The following ARHGEF3 variants were observed in gnomAD, a reference collection of about 807,000 sequenced individuals.
ARHGEF3 encodes the protein 59.8 kDA protein.
A neutral mutation model predicts 63.2 loss-of-function variants in ARHGEF3; 28 were observed. That is an observed-to-expected ratio of 0.44 (90% CI 0.33 to 0.61). The LOEUF (loss-of-function observed/expected upper bound fraction) is 0.61, where lower values mean the gene tolerates loss of function less well. ARHGEF3 is among the 20% of genes least tolerant of loss of function. ARHGEF3 has a pLI of 0.03. For missense variants in ARHGEF3, 533 were observed against 659.3 expected (o/e 0.81, Z 2.10); for synonymous variants, 266 against 254.2 (o/e 1.05, Z -0.44).
At position 56,819,668 on chromosome 3, in the gene ARHGEF3, C is replaced by CCTGG. The variant is rs546808279; in HGVS notation, c.193-45856_193-45853dup. 8.5e-4 allele frequency among the ~76,000 whole-genome samples: 129 copies of CCTGG among 151,250 alleles called. 1 individual carries two copies. In the South Asian group the frequency reaches 0.022, roughly 26 times the overall value. ...CTGGGACTACAGGTGCACCACCATG[C>CCTGG]CTGGCTAATTTTTATTTACTTATTT... On this transcript the variant is annotated intron_variant, in intron 4 of 12. Coordinates refer to the ARHGEF3 transcript ENST00000338458.
At chr3:56,878,027 C>T (rs1334730071) in intron 4 of ARHGEF3, among the ~76,000 whole-genome samples, 2 of 152,168 alleles carry the variant, frequency 1.3e-5, no homozygotes, top group African/African-American at 4.8e-5. Context: ...TCACATTTTC[C>T]AGTTTTTCTA....
In ARHGEF3 at chr3:57,048,985, G is replaced by T. The variant is rs1030113347; in HGVS notation, c.-27-13809C>A. 2.0e-5 allele frequency among the ~76,000 whole-genome samples: 3 copies of T among 152,170 alleles called. No individual in the cohort carries two copies. The East Asian group carries it at 5.8e-4, about 29-fold the overall frequency. ...ACAGGTGTTCTGACATGGCTGGGTA[G>T]AATCATCCAAGCAGAGAATCATGCT... On this transcript the variant is annotated intron_variant, in intron 1 of 12. Coordinates refer to the ARHGEF3 transcript ENST00000338458.
Position 57,002,498 on chromosome 3 carries a change from T to TTATATATATATATATGTTA in ARHGEF3, c.62+32571_62+32589dup, listed in dbSNP as rs1560123040. 2.6e-3 allele frequency among the ~76,000 whole-genome samples: 35 copies of TTATATATATATATATGTTA among 13,486 alleles called. 1 individual carries two copies. The highest frequency in any genetic ancestry group is 0.014 in the Admixed American group (13 of 908). The allele number at this position is 13,486 out of a possible 152,430, so 8.8% of individuals were successfully genotyped here. A position where few individuals can be genotyped will look rare whatever the true frequency, so the allele number is the denominator to read the frequency against. On this transcript the variant is annotated intron_variant, in intron 2 of 12. Transcript: ENST00000338458. ...TATATGTTATATATATATATATATG[T>TTATATATATATATATGTTA]TATATATATATATATGTTATATATG...
chr3:56,813,473 G>T (rs1436952570), intron 4 of ARHGEF3, among the ~76,000 whole-genome samples: 1 of 152,128 alleles, frequency 6.6e-6, no homozygotes, highest in Non-Finnish European at 1.5e-5. Context: ...GCTGGGGAGG[G>T]ATCCAGTTCT....
chr3:56,859,161 G>T (rs1285382576), intron 4 of ARHGEF3, among the ~76,000 whole-genome samples: 1 of 152,046 alleles, frequency 6.6e-6, no homozygotes, highest in East Asian at 1.9e-4. Flanking sequence ...CTGTATTATT[G>T]TTTTGTTTTG....
At chr3:57,030,565 C>G (rs766924633) in intron 2 of ARHGEF3, among the ~76,000 whole-genome samples, 7 of 152,182 alleles carry the variant, frequency 4.6e-5, no homozygotes, top group Non-Finnish European at 2.9e-5. Flanking sequence ...TCCTTACTAT[C>G]CAACCATTTC....
At chr3:57,062,697 CACATGCACACACACACACACACAACAA>C (rs1191892797) in intron 1 of ARHGEF3, among the ~76,000 whole-genome samples, 1 of 151,958 alleles carries the variant, frequency 6.6e-6, no homozygotes, top group Non-Finnish European at 1.5e-5. Context: ...TCTGTCTACA[CACATGCACACACACACACACACAACAA>C]ACATGCACAC....
intron 1 of ARHGEF3, among the ~76,000 whole-genome samples, chr3:57,042,379 A>G (rs540796117): frequency 1.2e-4 from 19 of 152,096 alleles, no homozygotes; most frequent in Middle Eastern, 3.4e-3. Context: ...CTAAAGTATA[A>G]TGATGTTTCT....
At chr3:56,775,096 G>A (rs1220460712) in intron 1 of ARHGEF3, 10 of 1,551,036 alleles carry the variant, frequency 6.4e-6, no homozygotes, top group Non-Finnish European at 8.7e-6. Flanking sequence ...GCCAATTGTG[G>A]TGGCAAACCT....
intron 1 of ARHGEF3, among the ~76,000 whole-genome samples, chr3:57,058,306 G>C: frequency 1.3e-5 from 2 of 152,096 alleles, no homozygotes; most frequent in East Asian, 3.8e-4. Flanking sequence ...AATCAGTCTG[G>C]TCTTTTTGAA....
chr3:57,029,966 C>A (rs1451336884), intron 2 of ARHGEF3, among the ~76,000 whole-genome samples: 2 of 152,100 alleles, frequency 1.3e-5, no homozygotes, highest in African/African-American at 4.8e-5. Flanking sequence ...AATCAGTGAC[C>A]AAAACAGCCC....
At chr3:56,783,887 A>C (rs1391452304) in intron 1 of ARHGEF3, among the ~76,000 whole-genome samples, 1 of 152,238 alleles carries the variant, frequency 6.6e-6, no homozygotes, top group Non-Finnish European at 1.5e-5. Flanking sequence ...AAACACATCT[A>C]ATAAACAGCC....
chr3:56,968,189 TTA>T (rs531269650), intron 2 of ARHGEF3, among the ~76,000 whole-genome samples: 1,092 of 15,714 alleles, frequency 0.069, 80 homozygotes, highest in African/African-American at 0.12. Context: ...AAAATATATA[TTA>T]TATATAATAT....
chr3:56,968,216 T>A lies in ARHGEF3; in HGVS notation c.63-9327A>T, dbSNP rs373594805. Among the ~76,000 whole-genome samples, 23 of 18,974 alleles carry A rather than the reference T, an allele frequency of 1.2e-3. 2 individuals are homozygous for A. Among genetic ancestry groups the A allele is most frequent in the Non-Finnish European group, 1.9e-3 (15 of 7,966 alleles). 12.4% of individuals were successfully genotyped at this position (18,974 alleles called of 152,430 possible). ...ATATATAATATATAAAAATATATAT[T>A]ATATATAATATATATATAAATATAT... On this transcript the variant is annotated intron_variant, in intron 2 of 12. Coordinates refer to the ARHGEF3 transcript ENST00000338458.
intron 6 of ARHGEF3, among the ~76,000 whole-genome samples, chr3:56,746,663 G>A (rs1027916255): frequency 2.4e-4 from 37 of 152,146 alleles, no homozygotes; most frequent in African/African-American, 6.3e-4. Flanking sequence ...CCGGGAGGCA[G>A]AGGTTGCAGT....
In ARHGEF3 at chr3:56,751,357, C is replaced by T; in HGVS notation, c.478G>A (p.Glu160Lys). Residue 160 changes from glutamate (E) to lysine (K), a missense_variant, in exon 5 of 10, where the codon GAA (glutamate) becomes AAA (lysine). Glu to Lys is a moderately conservative substitution (Grantham distance 56, BLOSUM62 1). This residue lies in a region of ARHGEF3 where 107 missense variants were observed against 207.9 expected (regional missense o/e 0.51). Coordinates refer to ENST00000296315, the MANE Select transcript of ARHGEF3 (RefSeq NM_019555.3). ...DPMLKLSIMTEQELNQIFGTL... is the reference protein window; with the variant it reads ...DPMLKLSIMTKQELNQIFGTL... ...CCAAAAATTTGATTCAACTCTTGTT[C>T]TGTCATTATGGAGAGTTTCAGCATG... 1 of 1,614,082 alleles carries T rather than the reference C, an allele frequency of 6.2e-7. No homozygotes were observed. The highest frequency in any genetic ancestry group is 8.5e-7 in the Non-Finnish European group (1 of 1,179,972).
intron 1 of ARHGEF3, among the ~76,000 whole-genome samples, chr3:56,791,194 G>A (rs899272425): frequency 2.6e-5 from 4 of 152,112 alleles, no homozygotes; most frequent in South Asian, 2.1e-4. Flanking sequence ...CTTGAACCCC[G>A]GAGTTCGAGA....
intron 4 of ARHGEF3, among the ~76,000 whole-genome samples, chr3:56,848,995 T>C (rs2039581279): frequency 6.6e-6 from 1 of 152,228 alleles, no homozygotes; most frequent in Non-Finnish European, 1.5e-5. Flanking sequence ...ATACACTTGA[T>C]GTACCAGCGG....
chr3:56,859,389 TC>T (rs2039992267), intron 4 of ARHGEF3, among the ~76,000 whole-genome samples: 2 of 151,978 alleles, frequency 1.3e-5, no homozygotes, highest in African/African-American at 4.8e-5. Context: ...TCCGCCTACC[TC>T]GGCCTCCCAA....
Sources: allele counts gnomAD v4.1 joint callset (sites outside exome capture counted in the v4.1 genomes callset), GRCh38; gene constraint gnomAD v4.1.1; regional missense constraint gnomAD v4.1.1; transcripts MANE v1.5; gene names NCBI Gene and HGNC (gene_info 2026-07-23, HGNC 2026-07-21).